APC: variants seen among roughly 807,000 people sequenced by gnomAD.
APC encodes APC regulator of Wnt signaling pathway.
A neutral mutation model predicts 247.0 loss-of-function variants in APC; 72 were observed. The ratio of observed to expected loss-of-function variants is 0.29; its 90% CI spans 0.24 to 0.35. The LOEUF is 0.35. APC is among the 10% of genes least tolerant of loss of function. The probability of loss-of-function intolerance (pLI) is 1.00; values close to 1 mark genes in which losing one functional copy is unlikely to be tolerated. For missense variants in APC, 3,400 were observed against 3,360.7 expected, an observed-to-expected ratio of 1.01 and a Z score of -0.29; for synonymous variants, 1,254 against 1,162.5, an observed-to-expected ratio of 1.08 and a Z score of -1.60.
rs1233603872 is a variant in APC, at chr5:112,840,808, C to G, written c.5214C>G (p.His1738Gln). Reference protein sequence around the residue: ...INSAMPKGKSHKPFRVKKIMD... With the variant: ...INSAMPKGKSQKPFRVKKIMD... ...CTGCTATGCCCAAAGGGAAAAGTCACAAGCCTTTCCGTGTGAAAAAGATAA... is the reference window on the plus strand; with the variant it reads ...CTGCTATGCCCAAAGGGAAAAGTCAGAAGCCTTTCCGTGTGAAAAAGATAA... The change falls in exon 16 of 16, where the codon CAC (histidine) becomes CAG (glutamine). Residue 1738 changes from histidine to glutamine, a missense_variant. Coordinates refer to ENST00000257430, the MANE Select transcript of APC (RefSeq NM_000038.6). This position sits in a 1 kb window ranked among gnomAD's most constrained non-coding sequence, Gnocchi z 4.1. The G allele has an allele frequency of 6.2e-7, 1 of 1,614,086 alleles. No homozygotes were observed. Among genetic ancestry groups the G allele is most frequent in the Non-Finnish European group, 8.5e-7 (1 of 1,179,968 alleles).
chr5:112,777,202 G>A (rs1168214818), intron 5 of APC, among the ~76,000 whole-genome samples: 2 of 151,960 alleles, frequency 1.3e-5, no homozygotes, highest in Non-Finnish European at 2.9e-5. Context: ...GATTACCTGT[G>A]ATTTTTGTTT....
chr5:112,814,695 A>G (rs1475449492), intron 8 of APC, among the ~76,000 whole-genome samples: 4 of 152,140 alleles, frequency 2.6e-5, no homozygotes, highest in Non-Finnish European at 5.9e-5. Context: ...TGATTGTACC[A>G]TTCTCCTGCC....
intron 5 of APC, 50 bp downstream of exon 5, chr5:112,775,787 T>C: frequency 1.0e-6 from 1 of 999,524 alleles, no homozygotes; most frequent in Non-Finnish European, 1.5e-6. Flanking sequence ...AACTTGATAT[T>C]TTAAAGTACC....
intron 1 of APC, among the ~76,000 whole-genome samples, chr5:112,728,467 A>C (rs1033684000): frequency 6.6e-6 from 1 of 152,168 alleles, no homozygotes; most frequent in Non-Finnish European, 1.5e-5. Flanking sequence ...CAATTCTTCC[A>C]GTGTTGCTCA....
At chr5:112,738,321 T>C (rs748947761) in intron 1 of APC, 305 of 985,408 alleles carry the variant, frequency 3.1e-4, no homozygotes, top group Non-Finnish European at 3.6e-4. Context: ...CTCTACCCCA[T>C]TGAAAGGCTT....
rs192620988 is a variant in APC at position 112,838,187 on chromosome 5, C to G, written c.2593C>G (p.Pro865Ala). 1.2e-6 allele frequency: 2 copies of G among 1,614,166 alleles called. No individual in the cohort carries two copies. The highest frequency in any genetic ancestry group is 8.5e-7 in the Non-Finnish European group (1 of 1,180,026). ...CGGAATTGGTCTAGGCAACTACCAT[C>G]CAGCAACAGAAAATCCAGGAACTTC... ...ERGIGLGNYH[P>A]ATENPGTSSK... The change falls in exon 16 of 16, where the codon CCA (proline) becomes GCA (alanine). Residue 865 changes from proline to alanine, a missense_variant. Transcript: ENST00000257430.
intron 6 of APC, among the ~76,000 whole-genome samples, chr5:112,786,608 T>C (rs1259576149): frequency 6.6e-6 from 1 of 152,180 alleles, no homozygotes; most frequent in Non-Finnish European, 1.5e-5. Context: ...TAATTGATGA[T>C]ACTGTTTAAT....
chr5:112,710,211 A>G (rs981373981), intron 1 of APC, among the ~76,000 whole-genome samples: 8 of 152,284 alleles, frequency 5.3e-5, no homozygotes, highest in Admixed American at 6.5e-5. Flanking sequence ...AGAGACAGCT[A>G]TGTGAGGATA....
intron 14 of APC, among the ~76,000 whole-genome samples, chr5:112,832,028 G>T (rs1271715847): frequency 1.3e-5 from 2 of 152,082 alleles, no homozygotes; most frequent in Non-Finnish European, 1.5e-5. Flanking sequence ...ATAGAATCTA[G>T]ATTTGTAGAT....
chr5:112,779,183 T>A (rs1758052771), intron 5 of APC, among the ~76,000 whole-genome samples: 1 of 152,206 alleles, frequency 6.6e-6, no homozygotes, highest in African/African-American at 2.4e-5. Context: ...GAACAGTTAT[T>A]GTTAGCCTGT....
chr5:112,797,499 G>C (rs17360045), intron 7 of APC, among the ~76,000 whole-genome samples: 1,654 of 152,274 alleles, frequency 0.011, 23 homozygotes, highest in Non-Finnish European at 0.013. Context: ...AGGTCTAGAT[G>C]CTGGACGTGA....
chr5:112,715,456 C>G (rs186159136), intron 1 of APC, among the ~76,000 whole-genome samples: 129 of 152,206 alleles, frequency 8.5e-4, no homozygotes, highest in African/African-American at 2.8e-3. Flanking sequence ...GCCGTTTGTG[C>G]TAAGAGACCT....
At chr5:112,796,589 CTT>C (rs1338347350) in intron 7 of APC, among the ~76,000 whole-genome samples, 6 of 151,590 alleles carry the variant, frequency 4.0e-5, no homozygotes, top group African/African-American at 1.5e-4. Flanking sequence ...GCAATGGACT[CTT>C]TTTTTACCTG....
Position 112,840,283 on chromosome 5 carries a change from A to C in APC, c.4689A>C (p.Leu1563=), listed in dbSNP as rs1440495350. ...AAACTATTGATTCTGAAAAGGACCT[A>C]TTAGATGATTCAGATGATGATGATA... ...AEKTIDSEKD[L]LDDSDDDDIE... is the part of the protein sequence containing the mutation. Residue 1563 remains leucine (L), a synonymous_variant, in exon 16 of 16, where the codon CTA becomes CTC. Transcript: ENST00000257430. This position sits in a 1 kb window ranked among gnomAD's most constrained non-coding sequence, Gnocchi z 4.1. 1 of 1,614,174 alleles carries C rather than the reference A, an allele frequency of 6.2e-7. No individual in the cohort carries two copies. The highest frequency in any genetic ancestry group is 1.3e-5 in the African/African-American group (1 of 75,066).
Position 112,801,933 on chromosome 5 carries a change from CT to C in APC, c.834+561del, listed in dbSNP as rs969738195. ...TTTTCAGCAAAATTATGAAAGTAAA[CT>C]TTTTTTTTTTACATACAGAACTGTT... is the stretch of plus-strand genomic sequence containing the variant. On this transcript the variant is annotated intron_variant, in intron 8 of 15. Coordinates refer to ENST00000257430, the MANE Select transcript of APC (RefSeq NM_000038.6). 2.8e-3 allele frequency among the ~76,000 whole-genome samples: 405 copies of C among 146,344 alleles called. 1 individual carries two copies. Among genetic ancestry groups the C allele is most frequent in the African/African-American group, 8.8e-3 (353 of 40,228 alleles).
intron 11 of APC, among the ~76,000 whole-genome samples, chr5:112,822,656 G>A (rs1294341582): frequency 6.6e-6 from 1 of 151,978 alleles, no homozygotes; most frequent in Non-Finnish European, 1.5e-5. Context: ...TGTACATGTG[G>A]TATTTATAAA....
chr5:112,711,817 G>T (rs1043582170), intron 1 of APC, among the ~76,000 whole-genome samples: 4 of 152,188 alleles, frequency 2.6e-5, no homozygotes, highest in Non-Finnish European at 5.9e-5. Context: ...TGTCATCAGG[G>T]CTAAGCTCCC....
rs1203301360 is a variant in APC, at chr5:112,843,336, G to T, written c.7742G>T (p.Ser2581Ile). The change falls in exon 16 of 16, where the codon AGT becomes ATT. Residue 2581 changes from serine (S) to isoleucine (I), a missense_variant. Ser to Ile is a moderately radical substitution (Grantham distance 142, BLOSUM62 -2). Coordinates refer to ENST00000257430, the MANE Select transcript of APC (RefSeq NM_000038.6). This position sits in a 1 kb window ranked among gnomAD's most constrained non-coding sequence, Gnocchi z 4.8. ...SSILSASSESSEKAKSEDEKH... is the reference protein window; with the variant it reads ...SSILSASSESIEKAKSEDEKH... ...ATTCTTTCTGCTTCATCAGAATCCAGTGAAAAAGCAAAAAGTGAGGATGAA... is the reference window on the plus strand; with the variant it reads ...ATTCTTTCTGCTTCATCAGAATCCATTGAAAAAGCAAAAAGTGAGGATGAA... 1 of 1,613,602 alleles carries T rather than the reference G, an allele frequency of 6.2e-7. No homozygotes were observed. The highest frequency in any genetic ancestry group is 8.5e-7 in the Non-Finnish European group (1 of 1,179,764).
At chr5:112,735,639 C>T (rs377398547), upstream of APC, among the ~76,000 whole-genome samples, 8 of 151,818 alleles carry the variant, frequency 5.3e-5, no homozygotes, top group East Asian at 1.4e-3. Flanking sequence ...TGAAATTTGG[C>T]CCAGTATACT....
Sources: gnomAD v4.1 joint callset for allele counts (sites outside exome capture counted in the v4.1 genomes callset) on GRCh38, gnomAD v4.1.1 for gene constraint, Gnocchi (gnomAD v3.1) non-coding constraint, MANE v1.5 for transcripts, NCBI Gene and HGNC (gene_info 2026-07-23, HGNC 2026-07-21) for gene names.